Variants in HS3ST4 observed in about 807,000 individuals in gnomAD.
The protein encoded by HS3ST4 is heparan sulfate glucosamine 3-O-sulfotransferase 4.
In HS3ST4, 17 loss-of-function variants were observed where a neutral mutation model predicts 29.2. The ratio of observed to expected loss-of-function variants is 0.58; its 90% CI spans 0.40 to 0.87. The LOEUF (loss-of-function observed/expected upper bound fraction) is 0.87. Among genes scored for constraint, HS3ST4 ranks in the 40% least tolerant of loss-of-function variants. The pLI is 0.00. For synonymous variants in HS3ST4, 314 were observed against 285.7 expected (o/e 1.10, Z -1.00); for missense variants, 627 against 634.5 (o/e 0.99, Z 0.13).
rs140106053 is a variant in HS3ST4, at chr16:25,851,153, G to A, written c.734+158002G>A. ...TAGTGCTGGACGTTCCCATGTTTCTGTCCCATCCTGTACTAGCACTGGGAT... is the reference window on the plus strand; with the variant it reads ...TAGTGCTGGACGTTCCCATGTTTCTATCCCATCCTGTACTAGCACTGGGAT... On this transcript the variant is annotated intron_variant, in intron 1 of 1. Transcript: ENST00000331351. 1.0e-3 allele frequency among the ~76,000 whole-genome samples: 157 copies of A among 152,322 alleles called. 1 individual carries two copies. The highest frequency in any genetic ancestry group is 3.7e-3 in the African/African-American group (155 of 41,590).
At chr16:26,089,179 AC>A (rs1178129383) in intron 1 of HS3ST4, among the ~76,000 whole-genome samples, 7 of 152,124 alleles carry the variant, frequency 4.6e-5, no homozygotes, top group African/African-American at 1.4e-4. Flanking sequence ...TGTTGCCAGA[AC>A]CCCTCAGCAC....
At chr16:26,023,202 T>C (rs1302027860) in intron 1 of HS3ST4, among the ~76,000 whole-genome samples, 1 of 152,184 alleles carries the variant, frequency 6.6e-6, no homozygotes, top group Non-Finnish European at 1.5e-5. Flanking sequence ...GATTATGTCA[T>C]CTTGATGCAC....
At position 25,828,242 on chromosome 16, in the gene HS3ST4, CTCTTTCTTTCTT is replaced by C. The variant is rs1174433355; in HGVS notation, c.734+135138_734+135149del. ...CTTTCCTTTCTTTCTTTCTTTCTTT[CTCTTTCTTTCTT>C]TCTTTCTTTCTTTCTTTCTTTCTTT... On this transcript the variant is annotated intron_variant, in intron 1 of 1. Coordinates refer to ENST00000331351, the MANE Select transcript of HS3ST4 (RefSeq NM_006040.3). 7.5e-4 allele frequency among the ~76,000 whole-genome samples: 56 copies of C among 74,994 alleles called. 1 individual carries two copies. Among genetic ancestry groups the C allele is most frequent in the Admixed American group, 1.2e-3 (8 of 6,610 alleles). 49.2% of individuals were successfully genotyped at this position (74,994 alleles called of 152,430 possible). A position where few individuals can be genotyped will look rare whatever the true frequency, so the allele number is the denominator to read the frequency against.
intron 1 of HS3ST4, among the ~76,000 whole-genome samples, chr16:26,088,943 C>T (rs1038489869): frequency 6.6e-6 from 1 of 152,192 alleles, no homozygotes; most frequent in African/African-American, 2.4e-5. Context: ...AAATATACCT[C>T]TCAAATTCTG....
intron 1 of HS3ST4, among the ~76,000 whole-genome samples, chr16:26,126,791 C>T (rs796359076): frequency 2.0e-5 from 3 of 152,260 alleles, no homozygotes; most frequent in Admixed American, 6.5e-5. Context: ...GGACAGCCTC[C>T]ACTACAAAGA....
At chr16:25,717,266 C>T (rs1314536350) in intron 1 of HS3ST4, among the ~76,000 whole-genome samples, 1 of 152,118 alleles carries the variant, frequency 6.6e-6, no homozygotes, top group African/African-American at 2.4e-5. Context: ...GCAATGGATT[C>T]TTGTTCTTGT....
intron 1 of HS3ST4, among the ~76,000 whole-genome samples, chr16:25,873,547 T>C (rs1350269426): frequency 6.6e-6 from 1 of 151,186 alleles, no homozygotes; most frequent in Non-Finnish European, 1.5e-5. Flanking sequence ...TCTTTCTCTA[T>C]CTATCTGTCT....
chr16:25,960,475 A>G (rs1347843104), intron 1 of HS3ST4, among the ~76,000 whole-genome samples: 1 of 152,204 alleles, frequency 6.6e-6, no homozygotes, highest in African/African-American at 2.4e-5. Context: ...TGTTTCTCAC[A>G]TACTACTTTT....
At chr16:25,959,470 C>A in intron 1 of HS3ST4, among the ~76,000 whole-genome samples, 1 of 152,126 alleles carries the variant, frequency 6.6e-6, no homozygotes, top group African/African-American at 2.4e-5. Flanking sequence ...CTTGTGAACC[C>A]CATAGGGGTG....
intron 1 of HS3ST4, among the ~76,000 whole-genome samples, chr16:25,745,802 A>T (rs780543928): frequency 9.2e-5 from 14 of 152,272 alleles, no homozygotes; most frequent in Middle Eastern, 6.8e-3. Flanking sequence ...TTGGAAATTC[A>T]CCAATCTACA....
chr16:25,705,462 G>A (rs1335233548), intron 1 of HS3ST4, among the ~76,000 whole-genome samples: 1 of 152,042 alleles, frequency 6.6e-6, no homozygotes. Context: ...TCAGGAGGTC[G>A]AGACCACCCT....
intron 1 of HS3ST4, among the ~76,000 whole-genome samples, chr16:25,896,605 T>C (rs1200275777): frequency 6.6e-6 from 1 of 151,894 alleles, no homozygotes; most frequent in Non-Finnish European, 1.5e-5. Context: ...AAGAACTGAG[T>C]TGAATTATTA....
intron 1 of HS3ST4, among the ~76,000 whole-genome samples, chr16:25,740,956 A>G (rs1966647777): frequency 6.6e-6 from 1 of 152,124 alleles, no homozygotes; most frequent in Admixed American, 6.6e-5. Context: ...GAAATTTCTC[A>G]TTACTGGGCC....
chr16:25,698,831 A>G (rs899020163), intron 1 of HS3ST4, among the ~76,000 whole-genome samples: 1 of 152,166 alleles, frequency 6.6e-6, no homozygotes, highest in Admixed American at 6.5e-5. Flanking sequence ...AGGTCACACA[A>G]CTTCAGGGCT....
intron 1 of HS3ST4, among the ~76,000 whole-genome samples, chr16:25,926,828 T>G (rs763626256): frequency 6.6e-6 from 1 of 152,214 alleles, no homozygotes; most frequent in African/African-American, 2.4e-5. Flanking sequence ...ATAAGACCCA[T>G]GCCTAATGGT....
chr16:26,006,114 C>T (rs1596642021), intron 1 of HS3ST4, among the ~76,000 whole-genome samples: 1 of 151,822 alleles, frequency 6.6e-6, no homozygotes, highest in Non-Finnish European at 1.5e-5. Context: ...GCCTGGACAA[C>T]ATGGTAAAAC....
At chr16:25,980,349 G>C (rs1345291716) in intron 1 of HS3ST4, among the ~76,000 whole-genome samples, 2 of 152,094 alleles carry the variant, frequency 1.3e-5, no homozygotes, top group Non-Finnish European at 2.9e-5. Flanking sequence ...TTATCCTTCA[G>C]AACTCACTGT....
At chr16:25,887,290 G>A (rs538354023) in intron 1 of HS3ST4, among the ~76,000 whole-genome samples, 4 of 152,248 alleles carry the variant, frequency 2.6e-5, no homozygotes, top group East Asian at 1.9e-4. Flanking sequence ...ACACCTTTGA[G>A]GAAGTAGGAA....
At chr16:26,023,065 A>C (rs992087064) in intron 1 of HS3ST4, among the ~76,000 whole-genome samples, 5 of 152,126 alleles carry the variant, frequency 3.3e-5, no homozygotes, top group African/African-American at 1.2e-4. Flanking sequence ...AAGAAAAAAA[A>C]CCAACTGTAT....
Sources: allele counts gnomAD v4.1 joint callset (sites outside exome capture counted in the v4.1 genomes callset), GRCh38; gene constraint gnomAD v4.1.1; transcripts MANE v1.5; gene names NCBI Gene and HGNC (gene_info 2026-07-23, HGNC 2026-07-21).